Variants in PRKAG2 observed in about 807,000 individuals in gnomAD.
PRKAG2 encodes the protein 5'-AMP-activated protein kinase subunit gamma-2.
PRKAG2 carries 26 observed loss-of-function variants against 69.6 expected under a neutral mutation model. The ratio of observed to expected loss-of-function variants is 0.37; its 90% CI spans 0.27 to 0.52. The LOEUF (loss-of-function observed/expected upper bound fraction) is 0.52, where lower values mean the gene tolerates loss of function less well. Ranked by LOEUF, PRKAG2 falls within the 20% of genes least tolerant of loss-of-function variation. PRKAG2 has a pLI of 0.90. For missense variants in PRKAG2, 557 were observed against 740.0 expected (o/e 0.75, Z 2.87); for synonymous variants, 293 against 285.0 (o/e 1.03, Z -0.28).
intron 5 of PRKAG2, among the ~76,000 whole-genome samples, chr7:151,625,245 G>A (rs1006562034): frequency 2.0e-5 from 3 of 152,164 alleles, no homozygotes; most frequent in African/African-American, 7.2e-5. Context: ...TGGAGAAAAC[G>A]AGCAGGTGGC....
At chr7:151,630,614 A>C (rs886910013) in intron 5 of PRKAG2, among the ~76,000 whole-genome samples, 2 of 152,244 alleles carry the variant, frequency 1.3e-5, no homozygotes, top group African/African-American at 4.8e-5. Context: ...CTCGAACAGA[A>C]GCTGCTCTCT....
intron 3 of PRKAG2, among the ~76,000 whole-genome samples, chr7:151,772,311 T>C (rs1438858876): frequency 6.6e-6 from 1 of 152,218 alleles, no homozygotes; most frequent in Non-Finnish European, 1.5e-5. Flanking sequence ...CCCACCATCC[T>C]ACACAGCACA....
intron 3 of PRKAG2, among the ~76,000 whole-genome samples, chr7:151,763,125 C>G (rs1414478862): frequency 6.6e-6 from 1 of 152,238 alleles, no homozygotes; most frequent in African/African-American, 2.4e-5. Context: ...CTGAATCCAT[C>G]CCCTCGCTAC....
chr7:151,776,090 C>A (rs1010852757), intron 3 of PRKAG2, among the ~76,000 whole-genome samples: 5 of 152,194 alleles, frequency 3.3e-5, no homozygotes, highest in African/African-American at 4.8e-5. Flanking sequence ...GCCTTATCAG[C>A]CATAGGGCTC....
intron 3 of PRKAG2, among the ~76,000 whole-genome samples, chr7:151,707,404 G>A (rs1355802904): frequency 6.6e-6 from 1 of 152,034 alleles, no homozygotes; most frequent in Non-Finnish European, 1.5e-5. Flanking sequence ...ACGGTGGTCG[G>A]AGAAGCTGCT....
chr7:151,741,635 T>C (rs2073899163), intron 3 of PRKAG2, among the ~76,000 whole-genome samples: 1 of 150,542 alleles, frequency 6.6e-6, no homozygotes, highest in South Asian at 2.1e-4. Flanking sequence ...GATCATGCCA[T>C]TGCACTCCAG....
At chr7:151,834,749 G>A (rs1033120206) in intron 1 of PRKAG2, among the ~76,000 whole-genome samples, 1 of 152,204 alleles carries the variant, frequency 6.6e-6, no homozygotes, top group African/African-American at 2.4e-5. Flanking sequence ...ACGGCGCAGT[G>A]CCGCCCCTCC....
At chr7:151,653,711 G>A (rs773637772) in intron 4 of PRKAG2, among the ~76,000 whole-genome samples, 21 of 152,230 alleles carry the variant, frequency 1.4e-4, no homozygotes, top group Non-Finnish European at 1.6e-4. Context: ...GCATGGTGAC[G>A]GATGCCTGTA....
At chr7:151,668,517 G>A (rs1274547217) in intron 4 of PRKAG2, among the ~76,000 whole-genome samples, 2 of 152,216 alleles carry the variant, frequency 1.3e-5, no homozygotes, top group Non-Finnish European at 2.9e-5. Flanking sequence ...TGCTGCAGAA[G>A]CTGCTACCGA....
chr7:151,874,180 GTA>G (rs2080302675), intron 1 of PRKAG2, among the ~76,000 whole-genome samples: 1 of 129,214 alleles, frequency 7.7e-6, no homozygotes. Flanking sequence ...TGATGTATAT[GTA>G]TATGTATATG....
intron 3 of PRKAG2, among the ~76,000 whole-genome samples, chr7:151,677,637 C>A (rs1833150874): frequency 6.6e-6 from 1 of 152,192 alleles, no homozygotes; most frequent in Admixed American, 6.5e-5. Context: ...TAAGTTTGGC[C>A]TAAAGGGTTT....
At chr7:151,858,441 C>A (rs6961830) in intron 1 of PRKAG2, among the ~76,000 whole-genome samples, 3 of 152,116 alleles carry the variant, frequency 2.0e-5, no homozygotes, top group African/African-American at 7.2e-5. Context: ...GTGTCACTTT[C>A]GGTATCCAGG....
chr7:151,874,048 G>GTA (rs1404791516), intron 1 of PRKAG2, among the ~76,000 whole-genome samples: 1 of 130,914 alleles, frequency 7.6e-6, no homozygotes, highest in Non-Finnish European at 1.6e-5. Context: ...TGATGTATAT[G>GTA]TATGTATATG....
At chr7:151,862,450 C>T (rs1383767670) in intron 1 of PRKAG2, among the ~76,000 whole-genome samples, 2 of 152,140 alleles carry the variant, frequency 1.3e-5, no homozygotes, top group African/African-American at 2.4e-5. Flanking sequence ...ATTGGGTCGT[C>T]GAGTTAACTA....
chr7:151,605,571 T>A (rs1162649600), intron 5 of PRKAG2, among the ~76,000 whole-genome samples: 1 of 151,030 alleles, frequency 6.6e-6, no homozygotes, highest in Admixed American at 6.6e-5. Flanking sequence ...ACCCCGTCTC[T>A]ACTAAAAATA....
chr7:151,611,253 G>A (rs887656081), intron 5 of PRKAG2, among the ~76,000 whole-genome samples: 1 of 152,170 alleles, frequency 6.6e-6, no homozygotes, highest in African/African-American at 2.4e-5. Context: ...AGTGCTGATC[G>A]ATGGTTACAC....
intron 3 of PRKAG2, among the ~76,000 whole-genome samples, chr7:151,694,039 T>G (rs972601650): frequency 6.6e-6 from 1 of 152,092 alleles, no homozygotes; most frequent in South Asian, 2.1e-4. Flanking sequence ...ACCCAGCTAA[T>G]TTTTTTCTAT....
intron 1 of PRKAG2, among the ~76,000 whole-genome samples, chr7:151,872,102 C>T (rs2080231325): frequency 6.6e-6 from 1 of 152,210 alleles, no homozygotes; most frequent in South Asian, 2.1e-4. Flanking sequence ...TGCTGAGACA[C>T]ACCCGGGCTA....
rs754256312 is a variant in PRKAG2 at position 151,557,876 on chromosome 7, TAAAAAAA to T, written c.1679-651_1679-645del. ...GACAAGAGTGAAACTCCGTCTCAAA[TAAAAAAA>T]AAAAAAACAAAAAAACAAAAAAAAA... On this transcript the variant is annotated intron_variant, in intron 15 of 15. Coordinates refer to ENST00000287878, the MANE Select transcript of PRKAG2 (RefSeq NM_016203.4). 7,293 of 807,576 alleles carry T rather than the reference TAAAAAAA, an allele frequency of 9.0e-3. 387 individuals carry two copies. In the African/African-American group the frequency reaches 0.15, roughly 16 times the overall value. The allele number at this position is 807,576 out of a possible 1,614,324, so 50.0% of individuals were successfully genotyped here.
Sources: allele counts gnomAD v4.1 joint callset (sites outside exome capture counted in the v4.1 genomes callset), GRCh38; gene constraint gnomAD v4.1.1; transcripts MANE v1.5; gene names NCBI Gene and HGNC (gene_info 2026-07-23, HGNC 2026-07-21).